LYPD6B: variants seen among roughly 807,000 people sequenced by gnomAD.
LYPD6B encodes the protein LY6/PLAUR domain containing 6B.
LYPD6B carries 17 observed loss-of-function variants against 22.8 expected under a neutral mutation model. The ratio of observed to expected loss-of-function variants is 0.75; its 90% CI spans 0.51 to 1.12. The LOEUF (loss-of-function observed/expected upper bound fraction) is 1.12. Ranked by LOEUF, LYPD6B falls within the 50% of genes most tolerant of loss-of-function variation. LYPD6B has a pLI of 0.00. For synonymous variants in LYPD6B, 106 were observed against 91.6 expected (o/e 1.16, Z -0.90); for missense variants, 221 against 258.3 (o/e 0.86, Z 0.99).
intron 1 of LYPD6B, among the ~76,000 whole-genome samples, chr2:149,053,105 T>C (rs975452015): frequency 6.6e-6 from 1 of 152,224 alleles, no homozygotes; most frequent in Non-Finnish European, 1.5e-5. Context: ...TACCAGCTAG[T>C]GTTGGACAGA....
intron 1 of LYPD6B, among the ~76,000 whole-genome samples, chr2:149,090,381 G>A (rs1302056488): frequency 6.6e-6 from 1 of 152,188 alleles, no homozygotes; most frequent in Non-Finnish European, 1.5e-5. Context: ...ATGGCAGAAT[G>A]AAATCAATGT....
intron 1 of LYPD6B, among the ~76,000 whole-genome samples, chr2:149,080,841 CAAAAAAA>C (rs35803068): frequency 2.2e-5 from 1 of 46,228 alleles, no homozygotes; most frequent in East Asian, 9.1e-4. Flanking sequence ...GACTCTATCT[CAAAAAAA>C]AAAAAAAAAA....
intron 1 of LYPD6B, among the ~76,000 whole-genome samples, 158 bp downstream of exon 1, chr2:149,038,959 G>A (rs1349134720): frequency 6.6e-6 from 1 of 150,642 alleles, no homozygotes; most frequent in African/African-American, 2.4e-5. Flanking sequence ...CCGCGGGGCC[G>A]CGGGGCCGCG....
chr2:149,077,731 A>G (rs1003154026), intron 1 of LYPD6B: 2 of 152,234 alleles, frequency 1.3e-5, no homozygotes, highest in Non-Finnish European at 2.9e-5. Flanking sequence ...ACTCAACACC[A>G]TTAGCACAGT....
intron 1 of LYPD6B, among the ~76,000 whole-genome samples, chr2:149,065,852 G>A (rs984310459): frequency 2.6e-5 from 4 of 152,064 alleles, no homozygotes; most frequent in African/African-American, 9.7e-5. Context: ...GGGACTACAG[G>A]GGCATGCCAC....
chr2:149,090,064 T>G (rs1685580340), intron 1 of LYPD6B, among the ~76,000 whole-genome samples: 1 of 152,304 alleles, frequency 6.6e-6, no homozygotes, highest in Non-Finnish European at 1.5e-5. Flanking sequence ...TGGCTCTGCA[T>G]TGATTTCTGT....
intron 1 of LYPD6B, among the ~76,000 whole-genome samples, chr2:149,100,370 T>C (rs1048774026): frequency 1.4e-5 from 2 of 144,084 alleles, no homozygotes; most frequent in African/African-American, 5.1e-5. Flanking sequence ...CAGCCCCTTT[T>C]GGATCTTCTA....
chr2:149,114,715 C>T (rs1204332771), intron 1 of LYPD6B, among the ~76,000 whole-genome samples: 1 of 152,196 alleles, frequency 6.6e-6, no homozygotes, highest in Non-Finnish European at 1.5e-5. Context: ...GTCAACCAGT[C>T]ATTGCCAAGA....
chr2:149,206,117 A>G, intron 4 of LYPD6B: 1 of 409,306 alleles, frequency 2.4e-6, no homozygotes, highest in South Asian at 1.9e-5. Context: ...CCACGCCTGG[A>G]AGAGTATCAG....
chr2:149,047,136 T>C (rs571196637), intron 1 of LYPD6B, among the ~76,000 whole-genome samples: 2 of 152,344 alleles, frequency 1.3e-5, no homozygotes, highest in Non-Finnish European at 2.9e-5. Flanking sequence ...TTGATTTTCA[T>C]TTATATCATT....
At chr2:149,124,598 C>G (rs1014168549) in intron 1 of LYPD6B, among the ~76,000 whole-genome samples, 10 of 152,154 alleles carry the variant, frequency 6.6e-5, no homozygotes, top group African/African-American at 2.4e-4. Context: ...AGCCGGGCAA[C>G]TATTAGCCGT....
intron 3 of LYPD6B, among the ~76,000 whole-genome samples, chr2:149,175,072 T>TGTGG (rs1196788497): frequency 6.6e-6 from 1 of 151,184 alleles, no homozygotes; most frequent in East Asian, 1.9e-4. Flanking sequence ...TGTGTGTGTG[T>TGTGG]GTGTGTGTGT....
chr2:149,097,637 A>G (rs1558995402), intron 1 of LYPD6B, among the ~76,000 whole-genome samples: 1 of 152,196 alleles, frequency 6.6e-6, no homozygotes, highest in Non-Finnish European at 1.5e-5. Context: ...CTGGTCTAGG[A>G]TCCTTGTACT....
At position 149,208,308 on chromosome 2, in the gene LYPD6B, T is replaced by C; in HGVS notation, c.230-6T>C. 1 of 1,612,162 alleles carries C rather than the reference T, an allele frequency of 6.2e-7. No individual in the cohort carries two copies. Among genetic ancestry groups the C allele is most frequent in the Non-Finnish European group, 8.5e-7 (1 of 1,178,502 alleles). On this transcript the variant is annotated splice_polypyrimidine_tract_variant and splice_region_variant and intron_variant, in intron 4 of 6. Coordinates refer to ENST00000409642, the MANE Select transcript of LYPD6B (RefSeq NM_177964.5). Reference sequence around the variant, plus strand: ...TTACTGTTTCACTTTGCTTTTTTCTTTAAAGCTACACCATTTCCAAATAGC... The same window carrying C: ...TTACTGTTTCACTTTGCTTTTTTCTCTAAAGCTACACCATTTCCAAATAGC...
chr2:149,161,157 T>C (rs1298878135), intron 3 of LYPD6B, among the ~76,000 whole-genome samples: 5 of 152,162 alleles, frequency 3.3e-5, no homozygotes, highest in African/African-American at 1.2e-4. Context: ...AGTAATCTTC[T>C]CAGTGACAGA....
At chr2:149,141,034 C>G (rs1332437817) in intron 2 of LYPD6B, among the ~76,000 whole-genome samples, 1 of 152,160 alleles carries the variant, frequency 6.6e-6, no homozygotes, top group African/African-American at 2.4e-5. Flanking sequence ...AGTCCCTGTT[C>G]TCATGGAACT....
At chr2:149,128,824 A>G (rs1212775001) in intron 1 of LYPD6B, among the ~76,000 whole-genome samples, 1 of 152,192 alleles carries the variant, frequency 6.6e-6, no homozygotes, top group Non-Finnish European at 1.5e-5. Flanking sequence ...ACCAGTAAAG[A>G]ACATATCACC....
At chr2:149,175,570 CTCTT>C in intron 3 of LYPD6B, among the ~76,000 whole-genome samples, 1 of 152,004 alleles carries the variant, frequency 6.6e-6, no homozygotes, top group Non-Finnish European at 1.5e-5. Flanking sequence ...TTTACTGTAA[CTCTT>C]TATAAACTGA....
intron 1 of LYPD6B, among the ~76,000 whole-genome samples, chr2:149,101,833 C>A (rs970361706): frequency 6.6e-6 from 1 of 152,232 alleles, no homozygotes; most frequent in Admixed American, 6.5e-5. Flanking sequence ...AATGAGATAT[C>A]AGAGGCAGGA....
Sources: gnomAD v4.1 joint callset for allele counts (sites outside exome capture counted in the v4.1 genomes callset) on GRCh38, gnomAD v4.1.1 for gene constraint, MANE v1.5 for transcripts, NCBI Gene and HGNC (gene_info 2026-07-23, HGNC 2026-07-21) for gene names.